The following ACVR1B variants were observed in gnomAD, a reference collection of about 807,000 sequenced individuals.
The protein encoded by ACVR1B is activin A receptor type 1B.
In ACVR1B, 15 loss-of-function variants were observed where a neutral mutation model predicts 55.6. The ratio of observed to expected loss-of-function variants is 0.27; its 90% CI spans 0.18 to 0.42. The LOEUF is 0.42. ACVR1B is among the 10% of genes least tolerant of loss of function. ACVR1B has a pLI of 1.00. For synonymous variants in ACVR1B, 247 were observed against 254.6 expected, an observed-to-expected ratio of 0.97 and a Z score of 0.28; for missense variants, 359 against 670.1, an observed-to-expected ratio of 0.54 and a Z score of 5.13.
intron 3 of ACVR1B, among the ~76,000 whole-genome samples, chr12:51,979,421 C>T (rs1364738239): frequency 2.2e-5 from 3 of 136,100 alleles, no homozygotes; most frequent in Non-Finnish European, 3.0e-5. Flanking sequence ...GAGCCGAAAT[C>T]ATACCATTGC....
intron 1 of ACVR1B, among the ~76,000 whole-genome samples, chr12:51,964,771 T>C (rs986416312): frequency 6.6e-6 from 1 of 152,218 alleles, no homozygotes; most frequent in South Asian, 2.1e-4. Context: ...CAGTTAATCA[T>C]AGATGTATGG....
chr12:51,960,141 C>G (rs555949477), intron 1 of ACVR1B: 2 of 152,278 alleles, frequency 1.3e-5, no homozygotes, highest in African/African-American at 4.8e-5. Flanking sequence ...ACACAGAGAC[C>G]GGCCACAGTG....
chr12:51,975,182 A>G, intron 1 of ACVR1B, 83 bp from the exon 2 acceptor site: 1 of 1,536,150 alleles, frequency 6.5e-7, no homozygotes, highest in African/African-American at 1.4e-5. Context: ...CAAGTATGCT[A>G]AGGGATTATA....
intron 1 of ACVR1B, among the ~76,000 whole-genome samples, chr12:51,960,394 C>A (rs1173335935): frequency 6.6e-6 from 1 of 152,070 alleles, no homozygotes; most frequent in Admixed American, 6.5e-5. Flanking sequence ...TGCACTCCAC[C>A]CTGGGTGACA....
At chr12:51,990,242 G>A (rs116183644) in intron 7 of ACVR1B, among the ~76,000 whole-genome samples, 1,877 of 151,236 alleles carry the variant, frequency 0.012, 33 homozygotes, top group African/African-American at 0.044. Flanking sequence ...GCATTAAGCT[G>A]AGATTGCGCC....
chr12:51,988,653 A>G (rs763253435), intron 7 of ACVR1B, among the ~76,000 whole-genome samples: 6 of 152,348 alleles, frequency 3.9e-5, no homozygotes, highest in Middle Eastern at 6.8e-3. Context: ...AGTAGGTGCT[A>G]TTATCATCGC....
intron 3 of ACVR1B, among the ~76,000 whole-genome samples, chr12:51,979,530 A>C (rs1477735600): frequency 6.6e-6 from 1 of 151,814 alleles, no homozygotes; most frequent in Non-Finnish European, 1.5e-5. Context: ...GCGAGAGGGC[A>C]AAGAACATTC....
At chr12:51,992,157 G>T (rs1942204868) in intron 8 of ACVR1B, 164 bp downstream of exon 8, 1 of 910,902 alleles carries the variant, frequency 1.1e-6, no homozygotes, top group South Asian at 1.7e-5. Context: ...TAGGGCTACA[G>T]TCTCTTGTCC....
chr12:51,953,204 C>T (rs535549418), intron 1 of ACVR1B, among the ~76,000 whole-genome samples: 2 of 152,254 alleles, frequency 1.3e-5, no homozygotes, highest in African/African-American at 4.8e-5. Flanking sequence ...CTGTGGCTCT[C>T]TTCTCTTACA....
intron 1 of ACVR1B, among the ~76,000 whole-genome samples, chr12:51,967,067 C>T (rs1024511200): frequency 1.3e-5 from 2 of 151,692 alleles, no homozygotes; most frequent in Admixed American, 6.6e-5. Context: ...GGTGAAACCC[C>T]GTCTCTACTA....
chr12:51,965,381 C>T (rs1941619496), intron 1 of ACVR1B, among the ~76,000 whole-genome samples: 1 of 152,158 alleles, frequency 6.6e-6, no homozygotes, highest in Admixed American at 6.5e-5. Flanking sequence ...ATATGATACT[C>T]ATAATAGCAC....
At chr12:51,993,792 A>T (rs1283261868) in intron 8 of ACVR1B, among the ~76,000 whole-genome samples, 193 bp from the exon 9 acceptor site, 4 of 145,194 alleles carry the variant, frequency 2.8e-5, no homozygotes, top group Non-Finnish European at 4.5e-5. Flanking sequence ...AAAAAAAAAA[A>T]AAAAAAAAAA....
At chr12:51,986,206 A>C (rs1230647361) in intron 6 of ACVR1B, among the ~76,000 whole-genome samples, 1 of 152,206 alleles carries the variant, frequency 6.6e-6, no homozygotes, top group Admixed American at 6.5e-5. Context: ...GACCCACATT[A>C]CAAGTACTTC....
intron 1 of ACVR1B, among the ~76,000 whole-genome samples, chr12:51,969,159 C>T (rs1304979356): frequency 6.6e-6 from 1 of 152,132 alleles, no homozygotes; most frequent in Non-Finnish European, 1.5e-5. Flanking sequence ...GCTGCCCTGC[C>T]CAAGTTCCTG....
At chr12:51,974,508 CGT>C (rs141955888) in intron 1 of ACVR1B, among the ~76,000 whole-genome samples, 39,167 of 151,576 alleles carry the variant, frequency 0.26, 5,552 homozygotes, top group Admixed American at 0.47. Context: ...GAAAAAAATT[CGT>C]GTGTGTGTGT....
At chr12:51,952,199 CG>C (rs1160092065) in intron 1 of ACVR1B, among the ~76,000 whole-genome samples, 2 of 152,072 alleles carry the variant, frequency 1.3e-5, no homozygotes. Flanking sequence ...TGTCCAGGGG[CG>C]GGGGGCTTTC....
intron 3 of ACVR1B, among the ~76,000 whole-genome samples, chr12:51,978,702 C>T (rs892521024): frequency 9.6e-5 from 13 of 134,914 alleles, no homozygotes; most frequent in African/African-American, 3.0e-4. Context: ...GTGGTGGCGG[C>T]GCCTGTAGTC....
At position 51,962,031 on chromosome 12, in the gene ACVR1B, G is replaced by A. The variant is rs564482101; in HGVS notation, c.91+10197G>A. 1.3e-4 allele frequency among the ~76,000 whole-genome samples: 20 copies of A among 152,296 alleles called. No individual in the cohort carries two copies. In the South Asian group the frequency reaches 3.7e-3, roughly 28 times the overall value. The stretch of plus-strand genomic sequence containing the variant: ...GGTCTCCTTAGCATAAACATCAAAC[G>A]TCTCTTCTGAGTGAGAACAAAGCTT... On this transcript the variant is annotated intron_variant, in intron 1 of 8. Coordinates refer to ENST00000257963, the MANE Select transcript of ACVR1B (RefSeq NM_004302.5).
chr12:51,996,086 A>AT lies in ACVR1B; in HGVS notation c.*1978dup, dbSNP rs1449151298. The AT allele has an allele frequency of 6.6e-6, 1 of 152,234 alleles. No individual in the cohort carries two copies. The highest frequency in any genetic ancestry group is 2.4e-5 in the African/African-American group (1 of 41,414). 9.4% of individuals were successfully genotyped at this position (152,234 alleles called of 1,614,324 possible). A position where few individuals can be genotyped will look rare whatever the true frequency, so the allele number is the denominator to read the frequency against. ...GTTCTACGACCCTTTTGAGCCTAGA[A>AT]TTATTGTTCTTATATAAGATCACTG... is the stretch of plus-strand genomic sequence containing the variant. On this transcript the variant is annotated 3_prime_UTR_variant, in exon 9 of 9. Coordinates refer to ENST00000257963, the MANE Select transcript of ACVR1B (RefSeq NM_004302.5).
Sources: allele counts gnomAD v4.1 joint callset (sites outside exome capture counted in the v4.1 genomes callset), GRCh38; gene constraint gnomAD v4.1.1; transcripts MANE v1.5; gene names NCBI Gene and HGNC (gene_info 2026-07-23, HGNC 2026-07-21).